SYT6: variants seen among roughly 807,000 people sequenced by gnomAD.
SYT6 encodes synaptotagmin 6.
A neutral mutation model predicts 38.4 loss-of-function variants in SYT6; 24 were observed. That is an observed-to-expected ratio of 0.62 (90% CI 0.45 to 0.88). The LOEUF is 0.88. Among genes scored for constraint, SYT6 ranks in the 40% least tolerant of loss-of-function variants. The pLI is 0.00. For missense variants in SYT6, 611 were observed against 621.0 expected (o/e 0.98, Z 0.17); for synonymous variants, 265 against 241.9 (o/e 1.10, Z -0.89).
chr1:114,140,468 T>A lies in SYT6; in HGVS notation c.164-505A>T, dbSNP rs115194760. Among the ~76,000 whole-genome samples the A allele has an allele frequency of 1.4e-3, 219 of 152,218 alleles. 3 individuals carry two copies. Among genetic ancestry groups the A allele is most frequent in the Middle Eastern group, 6.8e-3 (2 of 294 alleles). On this transcript the variant is annotated intron_variant, in intron 1 of 7. Coordinates refer to ENST00000610222, the MANE Select transcript of SYT6 (RefSeq NM_001253772.2). ...CCTTGGGGGGCAGAGGCTGGCTAACTCATCCTCTTTTCTTCTTTATCCCAT... is the reference window on the plus strand; with the variant it reads ...CCTTGGGGGGCAGAGGCTGGCTAACACATCCTCTTTTCTTCTTTATCCCAT...
intron 3 of SYT6, among the ~76,000 whole-genome samples, chr1:114,110,248 G>A (rs543131038): frequency 1.3e-4 from 20 of 152,310 alleles, no homozygotes; most frequent in Admixed American, 5.9e-4. Flanking sequence ...CCCACTAAAT[G>A]TTGGAGGATC....
At position 114,089,912 on chromosome 1, in the gene SYT6, G is replaced by A. The variant is rs1359017637; in HGVS notation, c.*2222C>T. On this transcript the variant is annotated 3_prime_UTR_variant, in exon 8 of 8. Transcript: ENST00000610222. ...ATGGGAGATAGCTGCTTGGATATAA[G>A]AGGAATGTCTCAGATGAGCAATACT... 6.6e-6 allele frequency: 1 copy of A among 152,346 alleles called. No individual in the cohort carries two copies. The highest frequency in any genetic ancestry group is 1.5e-5 in the Non-Finnish European group (1 of 68,044). 9.4% of individuals were successfully genotyped at this position (152,346 alleles called of 1,614,324 possible).
rs532047075 is a variant in SYT6 at position 114,153,784 on chromosome 1, C to A, written c.-12G>T. 1.5e-6 allele frequency: 1 copy of A among 658,068 alleles called. No individual in the cohort carries two copies. Among genetic ancestry groups the A allele is most frequent in the Non-Finnish European group, 2.7e-6 (1 of 367,902 alleles). 40.8% of individuals were successfully genotyped at this position (658,068 alleles called of 1,614,324 possible). On this transcript the variant is annotated 5_prime_UTR_variant, in exon 1 of 8. Transcript: ENST00000610222. The stretch of plus-strand genomic sequence containing the variant: ...CACACTCCGCTCATGCCCTAGACAC[C>A]CAGGCTTGCCGAGCAGCAGCTCGAA...
intron 6 of SYT6, among the ~76,000 whole-genome samples, chr1:114,094,127 A>G (rs1166866360): frequency 6.6e-6 from 1 of 152,192 alleles, no homozygotes; most frequent in East Asian, 1.9e-4. Context: ...CAGGGAGCAT[A>G]ACTGTTTATC....
chr1:114,135,031 C>T (rs1292695483), intron 3 of SYT6, among the ~76,000 whole-genome samples: 3 of 152,106 alleles, frequency 2.0e-5, no homozygotes, highest in Non-Finnish European at 4.4e-5. Context: ...GGTGATGAGC[C>T]TGCTCCTGAG....
At chr1:114,110,080 C>T (rs941299742) in intron 3 of SYT6, among the ~76,000 whole-genome samples, 2 of 152,160 alleles carry the variant, frequency 1.3e-5, no homozygotes, top group African/African-American at 4.8e-5. Context: ...TGCCTCTTAG[C>T]CCATACTTGG....
chr1:114,107,459 T>G (rs1348113508), intron 3 of SYT6, among the ~76,000 whole-genome samples: 1 of 152,078 alleles, frequency 6.6e-6, no homozygotes, highest in Non-Finnish European at 1.5e-5. Context: ...TGGCTCAAGA[T>G]CCCACTATGA....
intron 1 of SYT6, among the ~76,000 whole-genome samples, chr1:114,151,199 C>G (rs1679422086): frequency 6.6e-6 from 1 of 152,142 alleles, no homozygotes; most frequent in African/African-American, 2.4e-5. Flanking sequence ...CTCAAAATCC[C>G]AAGGCCACTC....
At chr1:114,118,799 C>T (rs1216554556) in intron 3 of SYT6, among the ~76,000 whole-genome samples, 4 of 152,236 alleles carry the variant, frequency 2.6e-5, no homozygotes, top group African/African-American at 9.6e-5. Flanking sequence ...ACAGAGCCAT[C>T]TCCTGTCGGT....
chr1:114,097,726 C>T lies in SYT6; in HGVS notation c.1515+1G>A, dbSNP rs1422492340. The T allele has an allele frequency of 1.9e-6, 3 of 1,613,894 alleles. No homozygotes were observed. The highest frequency in any genetic ancestry group is 1.3e-5 in the African/African-American group (1 of 74,938). ...GCCAAGGGCCAGGTGACCTCACCCA[C>T]CTCTTTGAAGGATTTCTTTACCTCC... On this transcript the variant is annotated splice_donor_variant, in intron 6 of 7. Coordinates refer to ENST00000610222, the MANE Select transcript of SYT6 (RefSeq NM_001253772.2). LOFTEE classifies it high-confidence loss of function.
At chr1:114,121,078 G>C (rs535662819) in intron 3 of SYT6, among the ~76,000 whole-genome samples, 1 of 152,222 alleles carries the variant, frequency 6.6e-6, no homozygotes, top group African/African-American at 2.4e-5. Flanking sequence ...AGGCCCCCAG[G>C]GGGAGGTTGG....
chr1:114,139,534 C>A, intron 2 of SYT6, 81 bp downstream of exon 2: 1 of 1,558,342 alleles, frequency 6.4e-7, no homozygotes, highest in Admixed American at 1.9e-5. Context: ...GGTCTGTGAT[C>A]CCCACAGGCT....
chr1:114,095,762 G>T (rs954994102), intron 6 of SYT6, among the ~76,000 whole-genome samples: 5 of 151,966 alleles, frequency 3.3e-5, no homozygotes, highest in Middle Eastern at 3.4e-3. Context: ...CCGGGTTCAC[G>T]CCATTCTCCT....
In SYT6 at chr1:114,122,506, T is replaced by TGC. The variant is rs149451162; in HGVS notation, c.1071+14987_1071+14988dup. Among the ~76,000 whole-genome samples, 852 of 147,392 alleles carry TGC rather than the reference T, an allele frequency of 5.8e-3. 2 individuals carry two copies. The highest frequency in any genetic ancestry group is 7.2e-3 in the Non-Finnish European group (485 of 67,092). ...TTGTGTGTGTGTGTGTGTGTGTGTG[T>TGC]GCGCGCACATGAGCATATGCACACA... On this transcript the variant is annotated intron_variant, in intron 3 of 7. Coordinates refer to ENST00000610222, the MANE Select transcript of SYT6 (RefSeq NM_001253772.2).
At chr1:114,092,334 CTCTCTGTGTG>C (rs764883774) in intron 7 of SYT6, among the ~76,000 whole-genome samples, 1 of 138,494 alleles carries the variant, frequency 7.2e-6, no homozygotes. Context: ...CTCTCTCTCT[CTCTCTGTGTG>C]TGTGTGTGTG....
In SYT6 at chr1:114,090,445, GT is replaced by G. The variant is rs1675235872; in HGVS notation, c.*1688del. 1 of 152,300 alleles carries G rather than the reference GT, an allele frequency of 6.6e-6. No individual in the cohort carries two copies. Among genetic ancestry groups the G allele is most frequent in the Non-Finnish European group, 1.5e-5 (1 of 68,038 alleles). The allele number at this position is 152,300 out of a possible 1,614,324, so 9.4% of individuals were successfully genotyped here. On this transcript the variant is annotated 3_prime_UTR_variant, in exon 8 of 8. Coordinates refer to ENST00000610222, the MANE Select transcript of SYT6 (RefSeq NM_001253772.2). Reference sequence around the variant, plus strand: ...ATCCTGTTAACTCATGCCCAACCTGGTCATTTTTAGGGCTAGAAGATACTAT... The same window carrying G: ...ATCCTGTTAACTCATGCCCAACCTGGCATTTTTAGGGCTAGAAGATACTAT...
At chr1:114,137,398 G>A in intron 3 of SYT6, 97 bp downstream of exon 3, 1 of 1,386,080 alleles carries the variant, frequency 7.2e-7, no homozygotes, top group Non-Finnish European at 9.8e-7. Context: ...AAATGGCAAA[G>A]GCCCATTTGT....
rs779243018 is a variant in SYT6, at chr1:114,137,989, C to T, written c.577G>A (p.Glu193Lys). The change falls in exon 3 of 8, where the codon GAG becomes AAG. Residue 193 changes from glutamate to lysine, a missense_variant. Physicochemically the swap from Glu to Lys is moderately conservative, Grantham distance 56 (BLOSUM62 1). Transcript: ENST00000610222. Reference protein sequence around the residue: ...MHVSSVDYGNELPPAAEQPTS... With the variant: ...MHVSSVDYGNKLPPAAEQPTS... ...GGCTGCTCTGCTGCTGGTGGAAGCT[C>T]ATTGCCATAGTCTACACTGGAGACA... is the stretch of plus-strand genomic sequence containing the variant. The T allele has an allele frequency of 8.1e-6, 13 of 1,613,830 alleles. No homozygotes were observed. In the East Asian group the frequency reaches 2.2e-4, roughly 28 times the overall value.
At chr1:114,104,998 G>A (rs1480568401) in intron 3 of SYT6, among the ~76,000 whole-genome samples, 1 of 141,742 alleles carries the variant, frequency 7.1e-6, no homozygotes, top group Non-Finnish European at 1.5e-5. Flanking sequence ...CCTCCCTCCC[G>A]ACTCTAGTAG....
Sources: allele counts gnomAD v4.1 joint callset (sites outside exome capture counted in the v4.1 genomes callset), GRCh38; gene constraint gnomAD v4.1.1; transcripts MANE v1.5; gene names NCBI Gene and HGNC (gene_info 2026-07-23, HGNC 2026-07-21).